The following POLQ variants were observed in gnomAD, a reference collection of about 807,000 sequenced individuals.
POLQ encodes the protein DNA polymerase theta.
In POLQ, 233 loss-of-function variants were observed where a neutral mutation model predicts 259.2. That is an observed-to-expected ratio of 0.90 (90% CI 0.81 to 1.00). POLQ has a LOEUF of 1.00. POLQ is among the 50% of genes least tolerant of loss of function. POLQ has a pLI of 0.00. For missense variants in POLQ, 2,871 were observed against 3,051.6 expected (o/e 0.94, Z 1.39); for synonymous variants, 1,025 against 1,048.8 (o/e 0.98, Z 0.44).
chr3:121,539,503 T>C lies in POLQ; in HGVS notation c.561A>G (p.Ala187=), dbSNP rs762111369. ...PSRHFSSLDI[A]VCTIERANGL... is the part of the protein sequence containing the mutation. ...CATTGGCTCTCTCAATTGTGCAGAC[T>C]GCAATATCCAATGAAGAGAAATGCC... Residue 187 remains alanine (A), a synonymous_variant, in exon 4 of 30, where the codon GCA becomes GCG. Transcript: ENST00000264233. The C allele has an allele frequency of 1.2e-6, 2 of 1,613,024 alleles. No homozygotes were observed. Among genetic ancestry groups the C allele is most frequent in the Admixed American group, 3.3e-5 (2 of 60,008 alleles).
At position 121,489,833 on chromosome 3, in the gene POLQ, T is replaced by C. The variant is rs1019310465; in HGVS notation, c.3098A>G (p.Glu1033Gly). 1.9e-6 allele frequency: 3 copies of C among 1,611,710 alleles called. No individual in the cohort carries two copies. Among genetic ancestry groups the C allele is most frequent in the African/African-American group, 2.7e-5 (2 of 74,758 alleles). Residue 1033 changes from glutamate (E) to glycine (G), a missense_variant, in exon 16 of 30, where the codon GAA (glutamate) becomes GGA (glycine). This residue lies in a region of POLQ where 2,080 missense variants were observed against 2,126.0 expected (regional missense o/e 0.98). Coordinates refer to ENST00000264233, the MANE Select transcript of POLQ (RefSeq NM_199420.4). ...AGATCGAAAACTTCTGCTCATCTTT[T>C]CTGAATTGAAATTCAAAGGTGCCTT... Reference protein sequence around the residue: ...TKKAPLNFNSEKMSRSFRSWK... With the variant: ...TKKAPLNFNSGKMSRSFRSWK...
chr3:121,487,750 ATTACT>A lies in POLQ; in HGVS notation c.5176_5180del (p.Ser1726TyrfsTer3). The A allele has an allele frequency of 1.9e-6, 3 of 1,613,114 alleles. No individual in the cohort carries two copies. Among genetic ancestry groups the A allele is most frequent in the Non-Finnish European group, 2.5e-6 (3 of 1,179,332 alleles). On this transcript the variant is annotated frameshift_variant, in exon 16 of 30. Coordinates refer to ENST00000264233, the MANE Select transcript of POLQ (RefSeq NM_199420.4). LOFTEE classifies it high-confidence loss of function. ...GAATGAGACCATTATCATCAACTAT[ATTACT>A]TTCTTTACGAGGTAAGAGGGATGAG...
At chr3:121,524,440 A>T (rs1190538044) in intron 7 of POLQ, among the ~76,000 whole-genome samples, 4 of 152,112 alleles carry the variant, frequency 2.6e-5, no homozygotes, top group South Asian at 2.1e-4. Flanking sequence ...AGCACCACAG[A>T]CTAGTAAAAA....
intron 10 of POLQ, 68 bp from the exon 11 acceptor site, chr3:121,510,311 C>T: frequency 8.9e-7 from 1 of 1,127,418 alleles, no homozygotes. Flanking sequence ...GGCGCGGTGG[C>T]TCATGCCTGT....
chr3:121,520,019 C>T lies in POLQ; in HGVS notation c.1320G>A (p.Leu440=). 3 of 1,613,634 alleles carry T rather than the reference C, an allele frequency of 1.9e-6. No individual in the cohort carries two copies. The highest frequency in any genetic ancestry group is 2.5e-6 in the Non-Finnish European group (3 of 1,179,630). ...GAFRQGLIRV[L]AATSTLSSGV... ...CAGAAGAAAGAGTAGAAGTTGCCGCCAAGACCCGAATGAGACCTTGACGAA... is the reference window on the plus strand; with the variant it reads ...CAGAAGAAAGAGTAGAAGTTGCCGCTAAGACCCGAATGAGACCTTGACGAA... Residue 440 remains leucine (L), a synonymous_variant, in exon 9 of 30, where the codon TTG becomes TTA. Coordinates refer to ENST00000264233, the MANE Select transcript of POLQ (RefSeq NM_199420.4).
At chr3:121,445,613 A>G (rs1335415545) in intron 26 of POLQ, among the ~76,000 whole-genome samples, 1 of 152,200 alleles carries the variant, frequency 6.6e-6, no homozygotes, top group African/African-American at 2.4e-5. Context: ...CTGTAATCCC[A>G]GCACTTTGGG....
chr3:121,529,931 AAAAG>A (rs1458483711), intron 6 of POLQ, 139 bp from the exon 7 acceptor site: 18 of 585,706 alleles, frequency 3.1e-5, no homozygotes, highest in Non-Finnish European at 2.9e-6. Context: ...AGTCAATAAC[AAAAG>A]AAAGGAAAAA....
intron 25 of POLQ, among the ~76,000 whole-genome samples, chr3:121,452,698 A>T (rs1342475780): frequency 6.6e-6 from 1 of 152,150 alleles, no homozygotes; most frequent in Non-Finnish European, 1.5e-5. Flanking sequence ...AATGCCCGCC[A>T]TTGCCCAGGC....
At chr3:121,544,221 C>T (rs950357160) in intron 2 of POLQ, among the ~76,000 whole-genome samples, 23 of 151,994 alleles carry the variant, frequency 1.5e-4, no homozygotes, top group African/African-American at 4.8e-4. Flanking sequence ...GGCCTGGTGG[C>T]GCACACCTGT....
chr3:121,462,536 A>C (rs2047800582), intron 24 of POLQ, among the ~76,000 whole-genome samples: 1 of 152,228 alleles, frequency 6.6e-6, no homozygotes, highest in Non-Finnish European at 1.5e-5. Flanking sequence ...ACACACAGGA[A>C]TTCCCTTGGA....
At chr3:121,534,169 C>A (rs1015197213) in intron 5 of POLQ, among the ~76,000 whole-genome samples, 1 of 152,190 alleles carries the variant, frequency 6.6e-6, no homozygotes, top group African/African-American at 2.4e-5. Context: ...AGCCACCACG[C>A]CCAGCCGATA....
In POLQ at chr3:121,544,808, C is replaced by A; in HGVS notation, c.262G>T (p.Gly88Cys). ...KAVLEKYHSF[G>C]VKKMFEWQAE... The stretch of plus-strand genomic sequence containing the variant: ...TGCCATTCAAACATCTTTTTTACAC[C>A]AAAACTGTGGTATTTTTCCAGAACT... The change falls in exon 2 of 30, where the codon GGT becomes TGT. Residue 88 changes from glycine to cysteine, a missense_variant. By Grantham distance (159) the Gly-to-Cys change is radical. Transcript: ENST00000264233. The A allele has an allele frequency of 6.2e-7, 1 of 1,612,898 alleles. No homozygotes were observed. Among genetic ancestry groups the A allele is most frequent in the African/African-American group, 1.3e-5 (1 of 75,032 alleles).
intron 12 of POLQ, among the ~76,000 whole-genome samples, chr3:121,505,891 G>A (rs989798794): frequency 1.3e-5 from 2 of 150,572 alleles, no homozygotes; most frequent in East Asian, 3.9e-4. Flanking sequence ...GTGTGATGGC[G>A]CATGTCTGTA....
intron 18 of POLQ, among the ~76,000 whole-genome samples, chr3:121,482,582 G>A (rs1435689452): frequency 2.3e-5 from 3 of 127,794 alleles, no homozygotes; most frequent in African/African-American, 9.2e-5. Context: ...CAGAGTTTCA[G>A]AAAGCCTCTA....
chr3:121,535,132 A>G (rs2048440981), intron 5 of POLQ, among the ~76,000 whole-genome samples: 1 of 152,160 alleles, frequency 6.6e-6, no homozygotes, highest in Non-Finnish European at 1.5e-5. Context: ...TGCTTGTTCT[A>G]TCACAAGAGA....
intron 19 of POLQ, among the ~76,000 whole-genome samples, chr3:121,477,853 A>G (rs2047939640): frequency 6.6e-6 from 1 of 152,292 alleles, no homozygotes; most frequent in Admixed American, 6.5e-5. Context: ...ACCCGTAACC[A>G]CCACGAAAAG....
chr3:121,545,661 A>C, intron 1 of POLQ, 54 bp downstream of exon 1: 5 of 1,492,498 alleles, frequency 3.4e-6, no homozygotes, highest in Non-Finnish European at 4.5e-6. Flanking sequence ...CTCCCGACCC[A>C]TGGCCCGGCG....
chr3:121,533,359 G>A (rs1346060118), intron 5 of POLQ, 150 bp from the exon 6 acceptor site: 1 of 466,912 alleles, frequency 2.1e-6, no homozygotes. Context: ...CTGAGCCACA[G>A]ATTACTGAGT....
Position 121,439,916 on chromosome 3 carries a change from T to G in POLQ, c.7389+76A>C, listed in dbSNP as rs931112238. 3 of 1,258,816 alleles carry G rather than the reference T, an allele frequency of 2.4e-6. No individual in the cohort carries two copies. The African/African-American group carries it at 4.4e-5, about 19-fold the overall frequency. The allele number at this position is 1,258,816 out of a possible 1,614,324, so 78.0% of individuals were successfully genotyped here. On this transcript the variant is annotated intron_variant, in intron 27 of 29. Coordinates refer to ENST00000264233, the MANE Select transcript of POLQ (RefSeq NM_199420.4). ...TGCCAGTAATCCCTAAAACGGATAT[T>G]TGTAGTATTTACTCTGCTGAAAAAG...
Sources: allele counts gnomAD v4.1 joint callset (sites outside exome capture counted in the v4.1 genomes callset), GRCh38; gene constraint gnomAD v4.1.1; regional missense constraint gnomAD v4.1.1; transcripts MANE v1.5; gene names NCBI Gene and HGNC (gene_info 2026-07-23, HGNC 2026-07-21).